DLG4: variants seen among roughly 807,000 people sequenced by gnomAD.
DLG4 encodes disks large homolog 4.
In DLG4, 7 loss-of-function variants were observed where a neutral mutation model predicts 93.8. The ratio of observed to expected loss-of-function variants is 0.07; its 90% confidence interval spans 0.04 to 0.14. The LOEUF (loss-of-function observed/expected upper bound fraction) is 0.14. DLG4 is among the 10% of genes least tolerant of loss of function. DLG4 has a pLI of 1.00. For synonymous variants in DLG4, 341 were observed against 387.6 expected (o/e 0.88, Z 1.41); for missense variants, 545 against 992.9 (o/e 0.55, Z 6.06).
In DLG4 at chr17:7,217,324, G is replaced by A. The variant is rs2070966180; in HGVS notation, c.-177C>T. The stretch of plus-strand genomic sequence containing the variant: ...GGTTGGAGAAGGGAAGGGGAGGGGA[G>A]CGTGGGAGGGAGGGGAAGGGGGCCC... On this transcript the variant is annotated 5_prime_UTR_variant, in exon 1 of 20. Coordinates refer to ENST00000399506, the MANE Select transcript of DLG4 (RefSeq NM_001321075.3). 3.4e-6 allele frequency: 3 copies of A among 893,454 alleles called. No homozygotes were observed. The highest frequency in any genetic ancestry group is 1.8e-5 in the African/African-American group (1 of 55,052). The allele number at this position is 893,454 out of a possible 1,614,324, so 55.3% of individuals were successfully genotyped here.
chr17:7,205,206 C>G (rs2070396040), intron 2 of DLG4: 1 of 978,708 alleles, frequency 1.0e-6, no homozygotes, highest in African/African-American at 1.8e-5. Context: ...TGAAAGACAT[C>G]CGGGTCCTAT....
chr17:7,208,043 G>C lies in DLG4; in HGVS notation c.96+131C>G. ...CTGCAGCTCCGAGGCTCCGAGGGCC[G>C]CACTGGGGAGGGGGCCACCAGGGTC... On this transcript the variant is annotated intron_variant, in intron 2 of 19. Coordinates refer to ENST00000399506, the MANE Select transcript of DLG4 (RefSeq NM_001321075.3). This position sits in a 1 kb window ranked among gnomAD's most constrained non-coding sequence, Gnocchi z 5.4. 1.6e-6 allele frequency: 2 copies of C among 1,283,512 alleles called. No homozygotes were observed. The highest frequency in any genetic ancestry group is 2.0e-6 in the Non-Finnish European group (2 of 1,008,286). 79.5% of individuals were successfully genotyped at this position (1,283,512 alleles called of 1,614,324 possible).
At chr17:7,206,787 C>T (rs1489463447) in intron 2 of DLG4, among the ~76,000 whole-genome samples, 1 of 152,220 alleles carries the variant, frequency 6.6e-6, no homozygotes, top group Non-Finnish European at 1.5e-5. Flanking sequence ...AACTCCAGAA[C>T]CTGCTTGCCC....
At chr17:7,213,976 T>C (rs931602955) in intron 1 of DLG4, 107 of 411,726 alleles carry the variant, frequency 2.6e-4, no homozygotes, top group Non-Finnish European at 4.7e-4. Context: ...CAGGCCCTGC[T>C]TATCCACCAG....
rs557586555 is a variant in DLG4 at position 7,191,095 on chromosome 17, G to A, written c.2068+172C>T. 5.4e-5 allele frequency among the ~76,000 whole-genome samples: 8 copies of A among 149,492 alleles called. No individual in the cohort carries two copies. The East Asian group carries it at 1.2e-3, about 23-fold the overall frequency. Reference sequence around the variant, plus strand: ...AGCGATTCTCCTGCCTCGGCCTACCGAGTAGCTGGGATTACAGGTGCCCGC... The same window carrying A: ...AGCGATTCTCCTGCCTCGGCCTACCAAGTAGCTGGGATTACAGGTGCCCGC... On this transcript the variant is annotated intron_variant, in intron 19 of 19. Coordinates refer to ENST00000399506, the MANE Select transcript of DLG4 (RefSeq NM_001321075.3). The surrounding 1 kb of genome is among the most constrained non-coding windows in gnomAD (Gnocchi z 6.6).
intron 17 of DLG4, chr17:7,192,327 G>A (rs1157890440): frequency 2.9e-6 from 1 of 341,996 alleles, no homozygotes; most frequent in South Asian, 8.9e-5. Context: ...GGCGGGGTGT[G>A]CAAGGCAGAG....
chr17:7,215,218 G>A (rs1478269979), intron 1 of DLG4, among the ~76,000 whole-genome samples: 1 of 152,220 alleles, frequency 6.6e-6, no homozygotes, highest in East Asian at 1.9e-4. Flanking sequence ...GCCAAGGAAT[G>A]TGGCAAGCCT....
At chr17:7,217,904 C>A, upstream of DLG4, 1 of 1,324,178 alleles carries the variant, frequency 7.6e-7, no homozygotes, top group Admixed American at 2.0e-5. Flanking sequence ...GGAGGCCTCT[C>A]GGCAGGCGGT....
intron 2 of DLG4, among the ~76,000 whole-genome samples, chr17:7,205,351 C>T (rs887525631): frequency 6.6e-6 from 1 of 152,202 alleles, no homozygotes; most frequent in Non-Finnish European, 1.5e-5. Context: ...AGGGGCTTCC[C>T]CAATTGCCAG....
chr17:7,219,821 G>A (rs1228249802), upstream of DLG4: 2 of 1,532,438 alleles, frequency 1.3e-6, no homozygotes, highest in African/African-American at 1.4e-5. Flanking sequence ...CGCAGGGCCG[G>A]GCTCCAGGGA....
chr17:7,203,341 G>C lies in DLG4; in HGVS notation c.506-12C>G, dbSNP rs768190801. ...GCTGAAGCCAAGACCTGGATGGAGG[G>C]GAGGCCAGAGGTGGGTGCCCAGGAA... On this transcript the variant is annotated splice_polypyrimidine_tract_variant and intron_variant, in intron 6 of 19. Coordinates refer to ENST00000399506, the MANE Select transcript of DLG4 (RefSeq NM_001321075.3). This position sits in a 1 kb window ranked among gnomAD's most constrained non-coding sequence, Gnocchi z 7.2. 6.3e-7 allele frequency: 1 copy of C among 1,591,524 alleles called. No individual in the cohort carries two copies. The highest frequency in any genetic ancestry group is 8.6e-7 in the Non-Finnish European group (1 of 1,163,348).
chr17:7,192,574 A>G, intron 17 of DLG4: 1 of 240,542 alleles, frequency 4.2e-6, no homozygotes, highest in Non-Finnish European at 8.0e-6. Flanking sequence ...GCCCCAGAAA[A>G]GGGTGAGGCA....
At chr17:7,209,511 A>G (rs2070626127) in intron 1 of DLG4, among the ~76,000 whole-genome samples, 1 of 152,204 alleles carries the variant, frequency 6.6e-6, no homozygotes, top group African/African-American at 2.4e-5. Flanking sequence ...AGGCACGGCA[A>G]TCCCAGCACT....
In DLG4 at chr17:7,197,004, C is replaced by T. The variant is rs1178902657; in HGVS notation, c.836G>A (p.Gly279Asp). 2 of 1,613,274 alleles carry T rather than the reference C, an allele frequency of 1.2e-6. No homozygotes were observed. Among genetic ancestry groups the T allele is most frequent in the African/African-American group, 2.7e-5 (2 of 74,838 alleles). Residue 279 changes from glycine (G) to aspartate (D), a missense_variant, in exon 9 of 20, where the codon GGC becomes GAC. Transcript: ENST00000399506. ...GGTCATGGCTGTGGGGTAGTCGGTG[C>T]CCAGGTAGCTGCTGTGACTGATCTC... Reference protein sequence around the residue: ...DNEISHSSYLGTDYPTAMTPT... With the variant: ...DNEISHSSYLDTDYPTAMTPT...
rs1446528034 is a variant in DLG4 at position 7,217,554 on chromosome 17, A to AGTG, written c.-410_-408dup. On this transcript the variant is annotated 5_prime_UTR_variant, in exon 1 of 20. Coordinates refer to ENST00000399506, the MANE Select transcript of DLG4 (RefSeq NM_001321075.3). ...CAGGGGCTAGGGGCCGTGGCGGGGG[A>AGTG]GTGGGGTGGGGGGGTTGGAAACGGC... 5 of 111,728 alleles carry AGTG rather than the reference A, an allele frequency of 4.5e-5. No individual in the cohort carries two copies. Among genetic ancestry groups the AGTG allele is most frequent in the Non-Finnish European group, 5.1e-5 (5 of 97,206 alleles). The allele number at this position is 111,728 out of a possible 1,614,324, so 6.9% of individuals were successfully genotyped here.
rs2069316158 is a variant in DLG4 at position 7,187,197 on chromosome 17, T to C, written c.*3511A>G. 6.6e-6 allele frequency among the ~76,000 whole-genome samples: 1 copy of C among 152,012 alleles called. No individual in the cohort carries two copies. The highest frequency in any genetic ancestry group is 2.1e-4 in the South Asian group (1 of 4,822). On this transcript the variant is annotated 3_prime_UTR_variant, in exon 20 of 20. Coordinates refer to ENST00000399506, the MANE Select transcript of DLG4 (RefSeq NM_001321075.3). Reference sequence around the variant, plus strand: ...TTTTTAAAAACAGTATGTATTTCTATATTTATTTGAATTGTTGTCAGGTAC... The same window carrying C: ...TTTTTAAAAACAGTATGTATTTCTACATTTATTTGAATTGTTGTCAGGTAC...
chr17:7,218,636 G>C, upstream of DLG4: 1 of 1,560,742 alleles, frequency 6.4e-7, no homozygotes, highest in African/African-American at 1.4e-5. Context: ...GGCTGACCTG[G>C]GAGCTAGTGA....
chr17:7,204,696 T>C (rs2142891549), intron 2 of DLG4, among the ~76,000 whole-genome samples: 1 of 152,148 alleles, frequency 6.6e-6, no homozygotes, highest in Non-Finnish European at 1.5e-5. Context: ...CACCGGGTCC[T>C]GGTCCCCATT....
At chr17:7,205,716 C>G (rs2070429900) in intron 2 of DLG4, among the ~76,000 whole-genome samples, 1 of 125,942 alleles carries the variant, frequency 7.9e-6, no homozygotes, top group Non-Finnish European at 1.8e-5. Context: ...CACAGCCCGT[C>G]CCCCATCCCA....
Sources: gnomAD v4.1 joint callset for allele counts (sites outside exome capture counted in the v4.1 genomes callset) on GRCh38, gnomAD v4.1.1 for gene constraint, Gnocchi (gnomAD v3.1) non-coding constraint, MANE v1.5 for transcripts, NCBI Gene and HGNC (gene_info 2026-07-23, HGNC 2026-07-21) for gene names.